Variants in UPF1 observed in about 807,000 individuals in gnomAD.
The protein encoded by UPF1 is UPF1 RNA helicase and ATPase, also known as regulator of nonsense transcripts 1.
Under a neutral mutation model 129.2 loss-of-function variants are expected in UPF1, and 9 were observed. The observed-to-expected ratio is 0.07, with a 90% CI of 0.04 to 0.12. UPF1 has a LOEUF of 0.12. Ranked by LOEUF, UPF1 falls within the 10% of genes least tolerant of loss-of-function variation. The pLI is 1.00. For synonymous variants in UPF1, 649 were observed against 644.9 expected (o/e 1.01, Z -0.10); for missense variants, 788 against 1,525.3 (o/e 0.52, Z 8.05).
In UPF1 at chr19:18,866,119, C is replaced by T. The variant is rs2055840647; in HGVS notation, c.3313C>T (p.Arg1105Trp). The change falls in exon 23 of 24, where the codon CGG (arginine) becomes TGG (tryptophan). Residue 1105 changes from arginine to tryptophan, a missense_variant. Arg to Trp is a moderately radical substitution (Grantham distance 101). Transcript: ENST00000262803. ...ACAGGACTCCACGTACCAGGGAGAGCGGGCTTACCAGCATGGCGGGGTGAC... is the reference window on the plus strand; with the variant it reads ...ACAGGACTCCACGTACCAGGGAGAGTGGGCTTACCAGCATGGCGGGGTGAC... Reference protein sequence around the residue: ...LSQDSTYQGERAYQHGGVTGL... With the variant: ...LSQDSTYQGEWAYQHGGVTGL... The T allele has an allele frequency of 6.2e-7, 1 of 1,612,018 alleles. No homozygotes were observed.
chr19:18,854,998 G>A lies in UPF1; in HGVS notation c.1385G>A (p.Arg462His), dbSNP rs1261829390. The change falls in exon 10 of 24, where the codon CGC becomes CAC. Residue 462 changes from arginine to histidine, a missense_variant. By Grantham distance (29) the Arg-to-His change is conservative. This residue lies in a region of UPF1 where 227 missense variants were observed against 517.9 expected (regional missense o/e 0.44). Coordinates refer to ENST00000262803, the MANE Select transcript of UPF1 (RefSeq NM_002911.4). ...ATCATCAAGTGCCAGCTGCCCAAGC[G>A]CTTCACGGCGCAGGGCCTCCCCGAC... ...DVIIKCQLPK[R>H]FTAQGLPDLN... The A allele has an allele frequency of 4.3e-6, 7 of 1,614,098 alleles. No individual in the cohort carries two copies. The highest frequency in any genetic ancestry group is 5.1e-6 in the Non-Finnish European group (6 of 1,180,036).
Position 18,850,640 on chromosome 19 carries a change from G to C in UPF1, c.630-48G>C. ...TGGGAGGGGGCCCTCCCTGCTCCGG[G>C]GCTTCAGGGACGGGAGCTGGTCCTC... On this transcript the variant is annotated intron_variant, in intron 4 of 23. Coordinates refer to ENST00000262803, the MANE Select transcript of UPF1 (RefSeq NM_002911.4). The surrounding 1 kb of genome is among the most constrained non-coding windows in gnomAD (Gnocchi z 7.1). The C allele has an allele frequency of 1.3e-6, 2 of 1,502,196 alleles. No individual in the cohort carries two copies. Among genetic ancestry groups the C allele is most frequent in the Non-Finnish European group, 1.8e-6 (2 of 1,127,790 alleles). The allele number at this position is 1,502,196 out of a possible 1,614,324, so 93.1% of individuals were successfully genotyped here.
At chr19:18,837,341 A>C (rs2055493989) in intron 1 of UPF1, among the ~76,000 whole-genome samples, 1 of 152,078 alleles carries the variant, frequency 6.6e-6, no homozygotes, top group Non-Finnish European at 1.5e-5. Flanking sequence ...CTCTCACCTC[A>C]GGCCTCCCAA....
In UPF1 at chr19:18,850,359, G is replaced by T; in HGVS notation, c.629+117G>T. Reference sequence around the variant, plus strand: ...TAACTCCAGGGAGTTGTCCTCCAAAGATGGTTTTTGCTGAAGGGTGAGGCA... The same window carrying T: ...TAACTCCAGGGAGTTGTCCTCCAAATATGGTTTTTGCTGAAGGGTGAGGCA... On this transcript the variant is annotated intron_variant, in intron 4 of 23. Coordinates refer to ENST00000262803, the MANE Select transcript of UPF1 (RefSeq NM_002911.4). The surrounding 1 kb of genome is among the most constrained non-coding windows in gnomAD (Gnocchi z 7.1). 2 of 1,408,134 alleles carry T rather than the reference G, an allele frequency of 1.4e-6. No homozygotes were observed. Among genetic ancestry groups the T allele is most frequent in the Non-Finnish European group, 9.5e-7 (1 of 1,055,940 alleles). The allele number at this position is 1,408,134 out of a possible 1,614,324, so 87.2% of individuals were successfully genotyped here.
rs190206018 is a variant in UPF1 at position 18,854,951 on chromosome 19, G to A, written c.1338G>A (p.Leu446=). 3.7e-6 allele frequency: 6 copies of A among 1,614,258 alleles called. No individual in the cohort carries two copies. Among genetic ancestry groups the A allele is most frequent in the Non-Finnish European group, 5.1e-6 (6 of 1,180,056 alleles). Residue 446 remains leucine (L), a synonymous_variant, in exon 10 of 24, where the codon TTG becomes TTA. Coordinates refer to ENST00000262803, the MANE Select transcript of UPF1 (RefSeq NM_002911.4). ...CTGGCTACATCTACCACAAGCTGTT[G>A]GGCCACGAGGTGGAGGACGTAATCA... ...SVSGYIYHKL[L]GHEVEDVIIK...
At chr19:18,837,511 C>G (rs2055496210) in intron 1 of UPF1, among the ~76,000 whole-genome samples, 1 of 152,238 alleles carries the variant, frequency 6.6e-6, no homozygotes, top group Non-Finnish European at 1.5e-5. Context: ...AAACCGGAAG[C>G]AGCCCCAGTG....
At chr19:18,863,400 T>C in intron 18 of UPF1, 38 bp from the exon 19 acceptor site, 1 of 1,598,764 alleles carries the variant, frequency 6.3e-7, no homozygotes, top group Non-Finnish European at 8.6e-7. Context: ...GACGGGCAGC[T>C]CTCCACCTGC....
chr19:18,861,863 C>A, intron 17 of UPF1, 147 bp from the exon 18 acceptor site: 1 of 1,054,640 alleles, frequency 9.5e-7, no homozygotes, highest in Non-Finnish European at 1.3e-6. Flanking sequence ...GCAGCAGAGC[C>A]AGGACAGCCC....
At chr19:18,837,445 G>GGT (rs1410839301) in intron 1 of UPF1, among the ~76,000 whole-genome samples, 1 of 152,226 alleles carries the variant, frequency 6.6e-6, no homozygotes, top group East Asian at 1.9e-4. Flanking sequence ...CAGAGATGAA[G>GGT]GTGTGTGTAC....
At chr19:18,857,084 T>G in intron 14 of UPF1, 64 bp downstream of exon 14, 1 of 1,569,494 alleles carries the variant, frequency 6.4e-7, no homozygotes, top group Non-Finnish European at 8.6e-7. Context: ...TGTTTGTCTT[T>G]TAAAACACCT....
chr19:18,861,512 T>C (rs1472490136), intron 17 of UPF1, among the ~76,000 whole-genome samples: 1 of 152,234 alleles, frequency 6.6e-6, no homozygotes, highest in African/African-American at 2.4e-5. Context: ...CGTGTGCTCT[T>C]AGTGCTGAGA....
intron 2 of UPF1, 33 bp from the exon 3 acceptor site, chr19:18,847,711 C>T (rs1259750614): frequency 6.2e-7 from 1 of 1,601,996 alleles, no homozygotes; most frequent in African/African-American, 1.3e-5. Context: ...GAGCAAGCTT[C>T]CAGCTGTAAC....
In UPF1 at chr19:18,847,730, T is replaced by C. The variant is rs1209889259; in HGVS notation, c.372-14T>C. On this transcript the variant is annotated splice_polypyrimidine_tract_variant and intron_variant, in intron 2 of 23. Transcript: ENST00000262803. The stretch of plus-strand genomic sequence containing the variant: ...AAGCTTCCAGCTGTAACTGTCGCTG[T>C]TTTGATTTTTTAGTTACTGTGGAAT... 6.2e-7 allele frequency: 1 copy of C among 1,612,150 alleles called. No homozygotes were observed. The highest frequency in any genetic ancestry group is 2.2e-5 in the East Asian group (1 of 44,848).
chr19:18,857,877 C>T (rs538574587), intron 15 of UPF1, among the ~76,000 whole-genome samples: 4 of 152,370 alleles, frequency 2.6e-5, no homozygotes, highest in African/African-American at 9.6e-5. Context: ...TGAAGAACAG[C>T]TGTTCTCAGG....
chr19:18,866,224 G>A (rs2055842455), intron 23 of UPF1, 58 bp downstream of exon 23: 6 of 1,500,938 alleles, frequency 4.0e-6, no homozygotes, highest in Admixed American at 4.9e-5. Context: ...AGGATGGGAG[G>A]GGGCTCTCCC....
intron 20 of UPF1, among the ~76,000 whole-genome samples, chr19:18,864,578 G>A (rs567808646): frequency 6.6e-6 from 1 of 152,130 alleles, no homozygotes; most frequent in South Asian, 2.1e-4. Flanking sequence ...AATGCAGGGT[G>A]ATTTTCATTT....
In UPF1 at chr19:18,862,096, A is replaced by G. The variant is rs755349351; in HGVS notation, c.2544A>G (p.Gln848=). ...CCTGTGTGCGGGCCAACGAGCACCA[A>G]GGCATTGGCTTTTTAAATGACCCCA... is the stretch of plus-strand genomic sequence containing the variant. The part of the protein sequence containing the change: ...ILSCVRANEH[Q]GIGFLNDPRR... Residue 848 remains glutamine, a synonymous_variant, in exon 18 of 24, where the codon CAA becomes CAG. Coordinates refer to ENST00000262803, the MANE Select transcript of UPF1 (RefSeq NM_002911.4). The G allele has an allele frequency of 1.3e-5, 21 of 1,613,954 alleles. No homozygotes were observed. The Admixed American group carries it at 3.3e-4, about 26-fold the overall frequency.
chr19:18,864,939 A>G (rs946979903), intron 20 of UPF1, among the ~76,000 whole-genome samples: 2 of 151,958 alleles, frequency 1.3e-5, no homozygotes, highest in African/African-American at 4.8e-5. Flanking sequence ...AGGTTTCGCC[A>G]TGTTGGCCTG....
Position 18,846,063 on chromosome 19 carries a change from C to T in UPF1, c.315C>T (p.Phe105=), listed in dbSNP as rs753132178. The part of the protein sequence containing the change: ...KTSQLLAELN[F]EEDEEDTYYT... Reference sequence around the variant, plus strand: ...GCCAGTTGTTGGCTGAGTTGAACTTCGAGGAAGATGAAGAAGACACCTATT... The same window carrying T: ...GCCAGTTGTTGGCTGAGTTGAACTTTGAGGAAGATGAAGAAGACACCTATT... Residue 105 remains phenylalanine (F), a synonymous_variant, in exon 2 of 24, where the codon TTC becomes TTT. Transcript: ENST00000262803. The T allele has an allele frequency of 3.7e-6, 6 of 1,614,132 alleles. No homozygotes were observed. The highest frequency in any genetic ancestry group is 4.5e-5 in the East Asian group (2 of 44,886).
Sources: allele counts gnomAD v4.1 joint callset (sites outside exome capture counted in the v4.1 genomes callset), GRCh38; gene constraint gnomAD v4.1.1; regional missense constraint gnomAD v4.1.1; non-coding constraint Gnocchi (gnomAD v3.1); transcripts MANE v1.5; gene names NCBI Gene and HGNC (gene_info 2026-07-23, HGNC 2026-07-21).